The following HEATR5A variants were observed in gnomAD, a reference collection of about 807,000 sequenced individuals.
HEATR5A encodes the protein HEAT repeat containing 5A, also known as HEAT repeat-containing protein 5A.
HEATR5A carries 178 observed loss-of-function variants against 218.8 expected under a neutral mutation model. The observed-to-expected ratio is 0.81, with a 90% CI of 0.72 to 0.92. The LOEUF (loss-of-function observed/expected upper bound fraction) is 0.92. Among genes scored for constraint, HEATR5A ranks in the 40% least tolerant of loss-of-function variants. The pLI, the probability that HEATR5A is intolerant of heterozygous loss-of-function variation, is 0.00. For synonymous variants in HEATR5A, 864 were observed against 871.6 expected, an observed-to-expected ratio of 0.99 and a Z score of 0.15; for missense variants, 2,420 against 2,418.9, an observed-to-expected ratio of 1.00 and a Z score of -0.01.
chr14:31,392,383 C>T (rs1416767478), intron 6 of HEATR5A, among the ~76,000 whole-genome samples: 2 of 152,146 alleles, frequency 1.3e-5, no homozygotes, highest in Non-Finnish European at 1.5e-5. Context: ...TGCCTTCTCA[C>T]TGGAAATTTC....
intron 33 of HEATR5A, among the ~76,000 whole-genome samples, chr14:31,300,363 C>T (rs370807927): frequency 4.0e-5 from 6 of 151,650 alleles, no homozygotes; most frequent in East Asian, 1.9e-4. Context: ...TTGGCTCACA[C>T]GGCAATCTCT....
At chr14:31,384,763 G>A (rs1301601082) in intron 9 of HEATR5A, among the ~76,000 whole-genome samples, 2 of 151,942 alleles carry the variant, frequency 1.3e-5, no homozygotes, top group Admixed American at 6.6e-5. Flanking sequence ...CTGACCTCAG[G>A]TGATCCACTC....
At position 31,294,419 on chromosome 14, in the gene HEATR5A, C is replaced by T. The variant is rs573256598; in HGVS notation, c.5620-315G>A. On this transcript the variant is annotated intron_variant, in intron 34 of 35. Transcript: ENST00000543095. ...AAAAACAAAAACACCACCAAAACCC[C>T]TCCTGTAACATTTTTTTTTTTTTTT... Among the ~76,000 whole-genome samples, 57 of 127,500 alleles carry T rather than the reference C, an allele frequency of 4.5e-4. No individual in the cohort carries two copies. The East Asian group carries it at 0.012, about 28-fold the overall frequency. The allele number at this position is 127,500 out of a possible 152,430, so 83.6% of individuals were successfully genotyped here.
Position 31,403,012 on chromosome 14 carries a change from C to G in HEATR5A, c.-37G>C, listed in dbSNP as rs1248534198. The stretch of plus-strand genomic sequence containing the variant: ...ATCCTCCCAGCTGATCACAGTTCTT[C>G]TCGTTAAACTTTGGTCAATATACCT... On this transcript the variant is annotated 5_prime_UTR_variant, in exon 2 of 36. Coordinates refer to ENST00000543095, the MANE Select transcript of HEATR5A (RefSeq NM_015473.4). 6.6e-7 allele frequency: 1 copy of G among 1,518,964 alleles called. No individual in the cohort carries two copies. Among genetic ancestry groups the G allele is most frequent in the Non-Finnish European group, 8.8e-7 (1 of 1,135,482 alleles). 94.1% of individuals were successfully genotyped at this position (1,518,964 alleles called of 1,614,324 possible).
chr14:31,391,979 CTAT>C (rs1485082821), intron 6 of HEATR5A, among the ~76,000 whole-genome samples: 5 of 152,160 alleles, frequency 3.3e-5, no homozygotes, highest in African/African-American at 1.2e-4. Flanking sequence ...GAATGTGTCC[CTAT>C]TATTAAGCTA....
chr14:31,331,326 C>T (rs571247515), intron 22 of HEATR5A, among the ~76,000 whole-genome samples: 12 of 152,228 alleles, frequency 7.9e-5, no homozygotes, highest in East Asian at 3.9e-4. Context: ...AGGAGCAAAA[C>T]GCTGCCAGTC....
chr14:31,417,090 A>T (rs2031476398), intron 1 of HEATR5A, among the ~76,000 whole-genome samples: 1 of 152,126 alleles, frequency 6.6e-6, no homozygotes, highest in South Asian at 2.1e-4. Flanking sequence ...TAAAACAAAA[A>T]AAACCCTGCT....
chr14:31,364,245 A>G lies in HEATR5A; in HGVS notation c.2015T>C (p.Val672Ala), dbSNP rs1449104609. Residue 672 changes from valine to alanine, a missense_variant, in exon 14 of 36, where the codon GTT (valine) becomes GCT (alanine). Coordinates refer to ENST00000543095, the MANE Select transcript of HEATR5A (RefSeq NM_015473.4). ...CAGTTCATAAAGTCTTTGTCTATAA[A>G]CCACTGACGGTGTTTTCAAAGGACT... ...YGSPLKTPSV[V>A]YRQRLYELLI... is the part of the protein sequence containing the mutation. 6.4e-7 allele frequency: 1 copy of G among 1,556,572 alleles called. No individual in the cohort carries two copies.
intron 29 of HEATR5A, among the ~76,000 whole-genome samples, chr14:31,308,661 C>T (rs1566748559): frequency 1.3e-5 from 2 of 152,056 alleles, no homozygotes; most frequent in African/African-American, 4.8e-5. Context: ...TGGGTGATTA[C>T]CAAGTATCAC....
rs1385996316 is a variant in HEATR5A at position 31,313,089 on chromosome 14, A to C, written c.4320T>G (p.Asp1440Glu). The C allele has an allele frequency of 6.2e-7, 1 of 1,613,760 alleles. No homozygotes were observed. The highest frequency in any genetic ancestry group is 2.2e-5 in the East Asian group (1 of 44,878). Residue 1440 changes from aspartate to glutamate, a missense_variant, in exon 28 of 36, where the codon GAT (aspartate) becomes GAG (glutamate). Physicochemically the swap from Asp to Glu is conservative, Grantham distance 45. Coordinates refer to ENST00000543095, the MANE Select transcript of HEATR5A (RefSeq NM_015473.4). ...CTGCATAGACTAAGTCAAGCAGTCC[A>C]TCTGATGAACATGATCCATTTCTGA... ...DGIRNGSCSS[D>E]GLLDLVYADL...
intron 16 of HEATR5A, among the ~76,000 whole-genome samples, chr14:31,351,488 G>T (rs1901225977): frequency 6.9e-6 from 1 of 145,098 alleles, no homozygotes; most frequent in South Asian, 2.2e-4. Flanking sequence ...GCAAGATCCT[G>T]TCTCAGAGAA....
Position 31,297,289 on chromosome 14 carries a change from A to AAAAAC in HEATR5A, c.5465-1231_5465-1227dup, listed in dbSNP as rs200829859. 3.0e-3 allele frequency: 458 copies of AAAAAC among 152,460 alleles called. 16 individuals carry two copies. The South Asian group carries it at 0.066, about 22-fold the overall frequency. The allele number at this position is 152,460 out of a possible 1,614,324, so 9.4% of individuals were successfully genotyped here. Reference sequence around the variant, plus strand: ...CTGCACAGGGAGACTCCGTCTCAATAAAAACAAAACAAAACAAAACAAAAC... The same window carrying AAAAAC: ...CTGCACAGGGAGACTCCGTCTCAATAAAAACAAAACAAAACAAAACAAAACAAAAC... On this transcript the variant is annotated intron_variant, in intron 33 of 35. Coordinates refer to ENST00000543095, the MANE Select transcript of HEATR5A (RefSeq NM_015473.4).
chr14:31,359,148 A>C, intron 14 of HEATR5A, 91 bp from the exon 15 acceptor site: 1 of 1,228,586 alleles, frequency 8.1e-7, no homozygotes. Context: ...TAATGCACCC[A>C]CTGGCCAACT....
intron 32 of HEATR5A, among the ~76,000 whole-genome samples, chr14:31,303,667 C>T (rs74043915): frequency 0.034 from 5,193 of 152,046 alleles, 264 homozygotes; most frequent in African/African-American, 0.11. Context: ...TGCATATACA[C>T]GAAAAAACAA....
intron 4 of HEATR5A, among the ~76,000 whole-genome samples, chr14:31,397,352 T>C (rs773593975): frequency 1.3e-5 from 2 of 151,916 alleles, no homozygotes; most frequent in Non-Finnish European, 2.9e-5. Context: ...TTTAAATAAA[T>C]ATTTTTTAAG....
At chr14:31,416,726 C>T (rs5018104) in intron 1 of HEATR5A, among the ~76,000 whole-genome samples, 146,564 of 152,254 alleles carry the variant, frequency 0.96, 70,733 homozygotes, top group Non-Finnish European at 1. Context: ...GTAAATATGT[C>T]TGATTTCTTG....
intron 19 of HEATR5A, among the ~76,000 whole-genome samples, chr14:31,346,900 T>G (rs1750703038): frequency 6.6e-6 from 1 of 152,100 alleles, no homozygotes; most frequent in Non-Finnish European, 1.5e-5. Flanking sequence ...TTGATTAAGA[T>G]AGGAGAATGA....
Position 31,402,941 on chromosome 14 carries a change from T to G in HEATR5A, c.35A>C (p.Glu12Ala). The G allele has an allele frequency of 1.3e-6, 2 of 1,536,160 alleles. No homozygotes were observed. The highest frequency in any genetic ancestry group is 1.2e-5 in the South Asian group (1 of 84,050). Residue 12 changes from glutamate (E) to alanine (A), a missense_variant, in exon 2 of 36, where the codon GAA becomes GCA. Physicochemically the swap from Glu to Ala is moderately radical, Grantham distance 107. Transcript: ENST00000543095. The part of the protein sequence containing the change: ...ELAHSLLLNE[E>A]AYNQLGEVQK... ...AACTTCACCTAGTTGATTGTATGCTTCTTCATTCAGCAGTAAGCTATGAGC... is the reference window on the plus strand; with the variant it reads ...AACTTCACCTAGTTGATTGTATGCTGCTTCATTCAGCAGTAAGCTATGAGC...
rs7157977 is a variant in HEATR5A at position 31,389,003 on chromosome 14, C to A, written c.775G>T (p.Ala259Ser). 1 of 1,601,814 alleles carries A rather than the reference C, an allele frequency of 6.2e-7. No individual in the cohort carries two copies. Among genetic ancestry groups the A allele is most frequent in the Non-Finnish European group, 8.5e-7 (1 of 1,172,308 alleles). The change falls in exon 7 of 36, where the codon GCC (alanine) becomes TCC (serine). Residue 259 changes from alanine (A) to serine (S), a missense_variant and splice_region_variant. Ala to Ser is a moderately conservative substitution (Grantham distance 99). Transcript: ENST00000543095. ...ACTCTGCGAATGCTTTGACGTGAGG[C>A]TGCTATGACAAAGAACAAAACTGTG... is the stretch of plus-strand genomic sequence containing the variant. ...AVISKHPGTA[A>S]SRQSIRRVSL...
Sources: allele counts gnomAD v4.1 joint callset (sites outside exome capture counted in the v4.1 genomes callset), GRCh38; gene constraint gnomAD v4.1.1; transcripts MANE v1.5; gene names NCBI Gene and HGNC (gene_info 2026-07-23, HGNC 2026-07-21).